SECISBP2L: variants seen among roughly 807,000 people sequenced by gnomAD.
SECISBP2L encodes selenocysteine insertion sequence-binding protein 2-like.
In SECISBP2L, 43 loss-of-function variants were observed where a neutral mutation model predicts 114.7. That is an observed-to-expected ratio of 0.38 (90% CI 0.29 to 0.48). The LOEUF (loss-of-function observed/expected upper bound fraction) is 0.48. SECISBP2L is among the 20% of genes least tolerant of loss of function. SECISBP2L has a pLI of 0.98. For missense variants in SECISBP2L, 1,136 were observed against 1,301.1 expected (o/e 0.87, Z 1.95); for synonymous variants, 451 against 439.7 (o/e 1.03, Z -0.32).
chr15:48,998,871 C>A (rs1224024368), intron 16 of SECISBP2L, among the ~76,000 whole-genome samples: 1 of 152,172 alleles, frequency 6.6e-6, no homozygotes. Context: ...AGATATACAT[C>A]TATCTCACAA....
chr15:49,035,656 T>C lies in SECISBP2L; in HGVS notation c.206A>G (p.Gln69Arg). 6.3e-7 allele frequency: 1 copy of C among 1,598,074 alleles called. No individual in the cohort carries two copies. Among genetic ancestry groups the C allele is most frequent in the Non-Finnish European group, 8.5e-7 (1 of 1,170,226 alleles). The stretch of plus-strand genomic sequence containing the variant: ...TATATCATTGTTATATAAAGGAAAC[T>C]GTCTGCAAAACCAAATCAAAGAAGA... ...PFVQENQSNR[Q>R]FPLYNNDIRW... The change falls in exon 3 of 18, where the codon CAG becomes CGG. Residue 69 changes from glutamine to arginine, a missense_variant and splice_region_variant. Gln to Arg is a conservative substitution (Grantham distance 43). Transcript: ENST00000559471.
chr15:49,028,769 T>C (rs993460622), intron 4 of SECISBP2L, 87 bp from the exon 5 acceptor site: 12 of 1,121,322 alleles, frequency 1.1e-5, no homozygotes, highest in South Asian at 4.3e-5. Context: ...TGTAAGAAAA[T>C]AGATACCAAA....
At chr15:49,027,973 A>G (rs1234366194) in intron 6 of SECISBP2L, among the ~76,000 whole-genome samples, 171 bp downstream of exon 6, 1 of 152,154 alleles carries the variant, frequency 6.6e-6, no homozygotes, top group Non-Finnish European at 1.5e-5. Context: ...GAATACCTCC[A>G]GCTGGCATTT....
intron 11 of SECISBP2L, among the ~76,000 whole-genome samples, chr15:49,013,555 A>C (rs977619189): frequency 2.0e-5 from 3 of 152,184 alleles, no homozygotes; most frequent in Non-Finnish European, 2.9e-5. Context: ...CTGGCCTCCC[A>C]AAGTGCTGGG....
intron 4 of SECISBP2L, among the ~76,000 whole-genome samples, chr15:49,031,031 CA>C (rs1902873143): frequency 8.1e-6 from 1 of 123,578 alleles, no homozygotes; most frequent in African/African-American, 2.9e-5. Flanking sequence ...AAAGACTTAT[CA>C]TTTTCTTTTT....
intron 7 of SECISBP2L, among the ~76,000 whole-genome samples, chr15:49,027,132 A>G (rs1317934331): frequency 1.3e-5 from 2 of 152,216 alleles, no homozygotes; most frequent in African/African-American, 4.8e-5. Flanking sequence ...TTAACATATA[A>G]AATATTTAAA....
chr15:49,034,940 G>A (rs1008486088), intron 3 of SECISBP2L, among the ~76,000 whole-genome samples: 2 of 152,068 alleles, frequency 1.3e-5, no homozygotes, highest in African/African-American at 4.8e-5. Context: ...TGGGATTATA[G>A]GTGTGGCCAC....
At chr15:49,037,838 C>T (rs1903044877) in intron 1 of SECISBP2L, 69 bp from the exon 2 acceptor site, 1 of 1,364,668 alleles carries the variant, frequency 7.3e-7, no homozygotes, top group African/African-American at 1.5e-5. Flanking sequence ...CAAAATTTAA[C>T]AACAGAAGAG....
intron 1 of SECISBP2L, among the ~76,000 whole-genome samples, chr15:49,044,972 G>C (rs1903212354): frequency 6.6e-6 from 1 of 152,070 alleles, no homozygotes; most frequent in African/African-American, 2.4e-5. Flanking sequence ...CATTTGTCAG[G>C]CTTTGAAATC....
intron 3 of SECISBP2L, 92 bp from the exon 4 acceptor site, chr15:49,033,192 A>T (rs779585139): frequency 3.6e-6 from 5 of 1,379,660 alleles, no homozygotes; most frequent in Non-Finnish European, 4.9e-6. Context: ...AACATTATAA[A>T]ATACACATCT....
intron 6 of SECISBP2L, among the ~76,000 whole-genome samples, chr15:49,027,853 C>T (rs1226933534): frequency 6.6e-6 from 1 of 152,158 alleles, no homozygotes; most frequent in African/African-American, 2.4e-5. Context: ...TCGTGATCCA[C>T]CCACCTCGGC....
At chr15:49,032,855 G>A (rs1271173153) in intron 4 of SECISBP2L, 110 bp downstream of exon 4, 1 of 1,345,626 alleles carries the variant, frequency 7.4e-7, no homozygotes, top group Non-Finnish European at 1.0e-6. Flanking sequence ...CAGGACAAAT[G>A]AAAGGATGAA....
At chr15:49,044,994 T>C (rs1451687581) in intron 1 of SECISBP2L, among the ~76,000 whole-genome samples, 1 of 152,176 alleles carries the variant, frequency 6.6e-6, no homozygotes, top group Non-Finnish European at 1.5e-5. Flanking sequence ...CAGGTATTTA[T>C]GATAGATACC....
intron 1 of SECISBP2L, among the ~76,000 whole-genome samples, chr15:49,038,839 A>G (rs1903064621): frequency 6.6e-6 from 1 of 151,996 alleles, no homozygotes; most frequent in African/African-American, 2.4e-5. Flanking sequence ...TAACTACTGT[A>G]AAAAATTACC....
rs759608770 is a variant in SECISBP2L at position 49,035,683 on chromosome 15, CA to C, written c.204-26del. On this transcript the variant is annotated intron_variant, in intron 2 of 17. Transcript: ENST00000559471. ...TCTGCAAAACCAAATCAAAGAAGAA[CA>C]AATCTATTGACAAGTCTAAAAATAC... The C allele has an allele frequency of 1.4e-5, 22 of 1,579,464 alleles. No individual in the cohort carries two copies. The African/African-American group carries it at 2.9e-4, about 21-fold the overall frequency.
intron 2 of SECISBP2L, among the ~76,000 whole-genome samples, chr15:49,036,171 C>T (rs1903001823): frequency 6.6e-6 from 1 of 152,176 alleles, no homozygotes; most frequent in African/African-American, 2.4e-5. Flanking sequence ...TGGCCAAGTC[C>T]AGCTCTTTTC....
At chr15:49,025,893 A>C (rs963255897) in intron 7 of SECISBP2L, among the ~76,000 whole-genome samples, 6 of 152,194 alleles carry the variant, frequency 3.9e-5, no homozygotes, top group African/African-American at 1.4e-4. Flanking sequence ...TCCAAAGAAA[A>C]GGCCATCAGT....
Position 49,028,129 on chromosome 15 carries a change from G to A in SECISBP2L, c.919+15C>T. On this transcript the variant is annotated intron_variant, in intron 6 of 17. Coordinates refer to ENST00000559471, the MANE Select transcript of SECISBP2L (RefSeq NM_001193489.2). ...GTAGAAAGTATAGCAAAAACACAAT[G>A]CAGAAAACAAGTACCTGCACACATA... 1 of 1,574,478 alleles carries A rather than the reference G, an allele frequency of 6.4e-7. No homozygotes were observed. The highest frequency in any genetic ancestry group is 8.6e-7 in the Non-Finnish European group (1 of 1,159,378).
At chr15:49,035,871 C>T (rs896300776) in intron 2 of SECISBP2L, among the ~76,000 whole-genome samples, 4 of 152,070 alleles carry the variant, frequency 2.6e-5, no homozygotes, top group Admixed American at 6.5e-5. Context: ...ACAGTATAAA[C>T]GAACCCAACC....
Sources: gnomAD v4.1 joint callset for allele counts (sites outside exome capture counted in the v4.1 genomes callset) on GRCh38, gnomAD v4.1.1 for gene constraint, MANE v1.5 for transcripts, NCBI Gene and HGNC (gene_info 2026-07-23, HGNC 2026-07-21) for gene names.